Variants in TCERG1L observed in about 807,000 individuals in gnomAD.
TCERG1L encodes transcription elongation regulator 1 like.
A neutral mutation model predicts 56.3 loss-of-function variants in TCERG1L; 37 were observed. The ratio of observed to expected loss-of-function variants is 0.66; its 90% confidence interval spans 0.51 to 0.87. TCERG1L has a LOEUF of 0.87. TCERG1L is among the 40% of genes least tolerant of loss of function. TCERG1L has a pLI of 0.00. For missense variants in TCERG1L, 799 were observed against 774.2 expected (o/e 1.03, Z -0.38); for synonymous variants, 324 against 326.3 (o/e 0.99, Z 0.08).
chr10:131,117,184 G>A (rs966956904), intron 8 of TCERG1L, among the ~76,000 whole-genome samples: 7 of 152,174 alleles, frequency 4.6e-5, no homozygotes, highest in South Asian at 4.1e-4. Flanking sequence ...GTGAGAAGCT[G>A]CAGCTCAAGT....
At chr10:131,206,563 C>T (rs897168925) in intron 4 of TCERG1L, among the ~76,000 whole-genome samples, 5 of 152,240 alleles carry the variant, frequency 3.3e-5, no homozygotes, top group Admixed American at 6.5e-5. Flanking sequence ...GTGCAAAGTC[C>T]GTGCAATCAA....
intron 3 of TCERG1L, among the ~76,000 whole-genome samples, chr10:131,304,796 C>A (rs1341569844): frequency 6.6e-6 from 1 of 152,022 alleles, no homozygotes; most frequent in African/African-American, 2.4e-5. Context: ...AGAACAAGTT[C>A]ACACTTTCCT....
chr10:131,277,656 G>A (rs1157215710), intron 3 of TCERG1L, among the ~76,000 whole-genome samples: 1 of 152,230 alleles, frequency 6.6e-6, no homozygotes, highest in African/African-American at 2.4e-5. Context: ...AAAGCTTGAG[G>A]GTGCAAAGTC....
Position 131,241,835 on chromosome 10 carries a change from T to C in TCERG1L, c.856+18424A>G, listed in dbSNP as rs181777896. Among the ~76,000 whole-genome samples, 441 of 152,028 alleles carry C rather than the reference T, an allele frequency of 2.9e-3. 2 individuals carry two copies. The highest frequency in any genetic ancestry group is 4.9e-3 in the Non-Finnish European group (332 of 67,980). ...AATATTTTAAAATGTCTAGATGTCA[T>C]TAGAAAATCACTGAACATCCGAGAT... is the stretch of plus-strand genomic sequence containing the variant. On this transcript the variant is annotated intron_variant, in intron 4 of 11. Transcript: ENST00000368642.
chr10:131,229,710 A>T (rs190345817), intron 4 of TCERG1L, among the ~76,000 whole-genome samples: 5 of 152,224 alleles, frequency 3.3e-5, no homozygotes, highest in African/African-American at 1.2e-4. Context: ...TAGAATATTT[A>T]TAGAATATTT....
chr10:131,131,378 C>A (rs1250955503), intron 8 of TCERG1L, among the ~76,000 whole-genome samples: 2 of 152,194 alleles, frequency 1.3e-5, no homozygotes, highest in African/African-American at 4.8e-5. Context: ...TATGAAAAGA[C>A]CCATTCATCA....
At chr10:131,170,006 T>G (rs1245306678) in intron 4 of TCERG1L, among the ~76,000 whole-genome samples, 1 of 152,220 alleles carries the variant, frequency 6.6e-6, no homozygotes, top group Non-Finnish European at 1.5e-5. Context: ...TCATGAGTGC[T>G]TCTTAGAGGA....
intron 3 of TCERG1L, among the ~76,000 whole-genome samples, chr10:131,290,451 G>A (rs1846600643): frequency 6.6e-6 from 1 of 152,078 alleles, no homozygotes; most frequent in Non-Finnish European, 1.5e-5. Context: ...GACCAACATG[G>A]AGAAACCCCT....
intron 4 of TCERG1L, among the ~76,000 whole-genome samples, chr10:131,215,484 C>T (rs1589751345): frequency 6.6e-6 from 1 of 151,288 alleles, no homozygotes; most frequent in Non-Finnish European, 1.5e-5. Flanking sequence ...GCAGAGGCTT[C>T]CTGTTCTTGG....
intron 7 of TCERG1L, among the ~76,000 whole-genome samples, chr10:131,136,258 A>G (rs1420590211): frequency 6.6e-6 from 1 of 152,210 alleles, no homozygotes; most frequent in East Asian, 1.9e-4. Flanking sequence ...ACAGCCCTCC[A>G]GGCTGGGACC....
At chr10:131,230,549 C>T (rs937030274) in intron 4 of TCERG1L, among the ~76,000 whole-genome samples, 29 of 152,214 alleles carry the variant, frequency 1.9e-4, no homozygotes, top group African/African-American at 6.8e-4. Flanking sequence ...TTCCCACTGA[C>T]GAGCCTGGCG....
chr10:131,292,096 A>G (rs1846634305), intron 3 of TCERG1L, among the ~76,000 whole-genome samples: 2 of 152,146 alleles, frequency 1.3e-5, no homozygotes, highest in African/African-American at 4.8e-5. Context: ...TCATATTTCT[A>G]TTTTATTTCT....
At chr10:131,190,265 A>G (rs765051389) in intron 4 of TCERG1L, among the ~76,000 whole-genome samples, 5 of 103,666 alleles carry the variant, frequency 4.8e-5, no homozygotes, top group African/African-American at 1.2e-4. Flanking sequence ...ACAAGCAGTG[A>G]GATAGAATCA....
chr10:131,182,255 A>G lies in TCERG1L; in HGVS notation c.857-15370T>C, dbSNP rs528069245. Among the ~76,000 whole-genome samples the G allele has an allele frequency of 2.0e-5, 3 of 152,274 alleles. No homozygotes were observed. The South Asian group carries it at 6.2e-4, about 32-fold the overall frequency. On this transcript the variant is annotated intron_variant, in intron 4 of 11. Transcript: ENST00000368642. ...AAGAGTGTTCTCTTGCCTCCGTAAA[A>G]ATGCATTTTGCATTGTCACTGGGTG...
chr10:131,138,694 T>G (rs1374536885), intron 7 of TCERG1L, among the ~76,000 whole-genome samples: 5 of 152,216 alleles, frequency 3.3e-5, no homozygotes, highest in Non-Finnish European at 7.3e-5. Context: ...AAAATCGTTG[T>G]GACACTGCTT....
At chr10:131,197,569 C>T (rs376902152) in intron 4 of TCERG1L, among the ~76,000 whole-genome samples, 183 of 152,124 alleles carry the variant, frequency 1.2e-3, no homozygotes, top group African/African-American at 4.4e-3. Flanking sequence ...TAGCCATGAT[C>T]GAGCATCAGA....
Position 131,166,787 on chromosome 10 carries a change from C to G in TCERG1L, c.945+10G>C, listed in dbSNP as rs769903846. ...GTGTCTTTAACACACACACGAGCCC[C>G]GAAACTGACCTTGTCTTCTTTGTCT... is the stretch of plus-strand genomic sequence containing the variant. On this transcript the variant is annotated intron_variant, in intron 5 of 11. Transcript: ENST00000368642. 2.5e-6 allele frequency: 4 copies of G among 1,613,924 alleles called. No individual in the cohort carries two copies. The highest frequency in any genetic ancestry group is 1.7e-5 in the Admixed American group (1 of 60,020).
intron 4 of TCERG1L, among the ~76,000 whole-genome samples, chr10:131,187,534 T>C: frequency 6.6e-6 from 1 of 152,056 alleles, no homozygotes; most frequent in East Asian, 1.9e-4. Context: ...CCGCCCGTGC[T>C]TGAAAATGGG....
chr10:131,240,856 G>A (rs535433352), intron 4 of TCERG1L, among the ~76,000 whole-genome samples: 1 of 152,358 alleles, frequency 6.6e-6, no homozygotes, highest in African/African-American at 2.4e-5. Flanking sequence ...AGCTGATTAT[G>A]AGATAGGAGA....
Sources: gnomAD v4.1 joint callset for allele counts (sites outside exome capture counted in the v4.1 genomes callset) on GRCh38, gnomAD v4.1.1 for gene constraint, MANE v1.5 for transcripts, NCBI Gene and HGNC (gene_info 2026-07-23, HGNC 2026-07-21) for gene names.